FGF12: variants seen among roughly 807,000 people sequenced by gnomAD.
FGF12 encodes the protein fibroblast growth factor 12.
FGF12 carries 14 observed loss-of-function variants against 23.6 expected under a neutral mutation model. The observed-to-expected ratio is 0.59, with a 90% CI of 0.39 to 0.93. FGF12 has a LOEUF of 0.93. Among genes scored for constraint, FGF12 ranks in the 40% least tolerant of loss-of-function variants. FGF12 has a pLI of 0.00. For synonymous variants in FGF12, 62 were observed against 77.3 expected (o/e 0.80, Z 1.04); for missense variants, 175 against 217.8 (o/e 0.80, Z 1.24).
At chr3:192,525,206 G>A (rs1249031339) in intron 2 of FGF12, among the ~76,000 whole-genome samples, 1 of 152,034 alleles carries the variant, frequency 6.6e-6, no homozygotes, top group Non-Finnish European at 1.5e-5. Context: ...ATCTGTGTCT[G>A]CTGACAAGAT....
At chr3:192,423,830 C>T (rs991028269) in intron 2 of FGF12, among the ~76,000 whole-genome samples, 1 of 152,070 alleles carries the variant, frequency 6.6e-6, no homozygotes, top group African/African-American at 2.4e-5. Context: ...CAAAATGACA[C>T]AGTTTATAGA....
chr3:192,527,857 C>A (rs907577942), intron 2 of FGF12, among the ~76,000 whole-genome samples: 2 of 152,134 alleles, frequency 1.3e-5, no homozygotes, highest in South Asian at 2.1e-4. Flanking sequence ...CAAGAGAAGA[C>A]AGCTTATGCA....
At chr3:192,311,935 A>G (rs867335981) in intron 4 of FGF12, among the ~76,000 whole-genome samples, 54 of 137,104 alleles carry the variant, frequency 3.9e-4, no homozygotes, top group African/African-American at 1.3e-3. Context: ...CTGTCTATCT[A>G]TCTATCTATC....
At chr3:192,257,653 C>A (rs1712486889) in intron 4 of FGF12, among the ~76,000 whole-genome samples, 1 of 152,002 alleles carries the variant, frequency 6.6e-6, no homozygotes, top group Non-Finnish European at 1.5e-5. Context: ...GTTGAGTTAA[C>A]CAAATGTTCT....
At chr3:192,650,179 C>T (rs1716165701) in intron 2 of FGF12, among the ~76,000 whole-genome samples, 2 of 152,184 alleles carry the variant, frequency 1.3e-5, no homozygotes, top group African/African-American at 4.8e-5. Flanking sequence ...ATTACACATA[C>T]TCCAAACTCC....
At position 192,408,940 on chromosome 3, in the gene FGF12, G is replaced by T. The variant is rs372336730; in HGVS notation, c.14-48402C>A. On this transcript the variant is annotated intron_variant, in intron 2 of 5. Transcript: ENST00000445105. The surrounding 1 kb of genome is among the most constrained non-coding windows in gnomAD (Gnocchi z 7.3). ...CCAGGGGCCGGCCACCCGAGTTCTG[G>T]AATTCCGAGAGGCGCGAAGTGGGAG... 22 of 985,088 alleles carry T rather than the reference G, an allele frequency of 2.2e-5. No individual in the cohort carries two copies. The East Asian group carries it at 1.3e-3, about 56-fold the overall frequency. 61.0% of individuals were successfully genotyped at this position (985,088 alleles called of 1,614,324 possible). A position where few individuals can be genotyped will look rare whatever the true frequency, so the allele number is the denominator to read the frequency against.
chr3:192,575,917 T>C (rs540841667), intron 2 of FGF12, among the ~76,000 whole-genome samples: 25 of 152,254 alleles, frequency 1.6e-4, no homozygotes, highest in Non-Finnish European at 2.4e-4. Flanking sequence ...TATTCTATGA[T>C]AAATATGAAA....
chr3:192,408,092 G>C lies in FGF12; in HGVS notation c.14-47554C>G. 2 of 1,613,196 alleles carry C rather than the reference G, an allele frequency of 1.2e-6. No individual in the cohort carries two copies. The highest frequency in any genetic ancestry group is 1.7e-6 in the Non-Finnish European group (2 of 1,180,016). On this transcript the variant is annotated intron_variant, in intron 2 of 5. Coordinates refer to ENST00000445105, the MANE Select transcript of FGF12 (RefSeq NM_004113.6). This position sits in a 1 kb window ranked among gnomAD's most constrained non-coding sequence, Gnocchi z 7.3. ...GCACTTTGCTGAACACCCCGAGGAC[G>C]TGCCTCTCGCACAGGGAGCGCCCGT... is the stretch of plus-strand genomic sequence containing the variant.
chr3:192,163,257 T>C (rs1478996065), intron 5 of FGF12, among the ~76,000 whole-genome samples: 2 of 152,138 alleles, frequency 1.3e-5, no homozygotes, highest in Non-Finnish European at 2.9e-5. Context: ...GACACTTCTG[T>C]ATTCTTGGTT....
chr3:192,667,607 TA>T lies in FGF12; in HGVS notation c.13+59573del, dbSNP rs59867848. 3.8e-3 allele frequency among the ~76,000 whole-genome samples: 289 copies of T among 76,172 alleles called. 2 individuals are homozygous for T. The highest frequency in any genetic ancestry group is 8.6e-3 in the African/African-American group (172 of 20,028). 50.0% of individuals were successfully genotyped at this position (76,172 alleles called of 152,430 possible). ...GCCTGGGCGACAGAGCGAGACTCCG[TA>T]AAAAAAAAAAAAAAAAAAAAAAAAA... On this transcript the variant is annotated intron_variant, in intron 2 of 5. Transcript: ENST00000445105.
At chr3:192,532,834 T>C (rs1304790645) in intron 2 of FGF12, among the ~76,000 whole-genome samples, 1 of 152,174 alleles carries the variant, frequency 6.6e-6, no homozygotes, top group Non-Finnish European at 1.5e-5. Flanking sequence ...TTTTTTCTTC[T>C]ATGAGACAAT....
intron 2 of FGF12, among the ~76,000 whole-genome samples, chr3:192,444,886 G>A (rs945520023): frequency 1.3e-5 from 2 of 152,208 alleles, no homozygotes; most frequent in Non-Finnish European, 2.9e-5. Flanking sequence ...ATATCTGTAC[G>A]GTGAATCCGT....
chr3:192,301,169 G>A (rs1715331020), intron 4 of FGF12, among the ~76,000 whole-genome samples: 1 of 151,956 alleles, frequency 6.6e-6, no homozygotes, highest in Admixed American at 6.6e-5. Context: ...GAAAAAAAAA[G>A]GGCAATAGAA....
intron 4 of FGF12, among the ~76,000 whole-genome samples, chr3:192,271,244 G>C (rs1412906489): frequency 2.6e-5 from 4 of 152,100 alleles, no homozygotes; most frequent in African/African-American, 9.7e-5. Context: ...ACATCTGCTG[G>C]CTTTGTATGA....
intron 4 of FGF12, among the ~76,000 whole-genome samples, chr3:192,190,529 G>A (rs565705618): frequency 4.5e-4 from 59 of 129,898 alleles, no homozygotes; most frequent in Middle Eastern, 4.4e-3. Flanking sequence ...AGGCTGGAGT[G>A]CAGTGGCGGG....
chr3:192,202,572 GTTTC>G lies in FGF12; in HGVS notation c.229-31920_229-31917del, dbSNP rs1560190544. Among the ~76,000 whole-genome samples the G allele has an allele frequency of 2.6e-5, 4 of 152,252 alleles. No individual in the cohort carries two copies. The South Asian group carries it at 6.2e-4, about 24-fold the overall frequency. ...GCTTTTATTTTTGTTTTTGACAACG[GTTTC>G]TTTAATTGTAAGGGAAAATCAAGAA... On this transcript the variant is annotated intron_variant, in intron 4 of 5. Transcript: ENST00000445105.
intron 2 of FGF12, among the ~76,000 whole-genome samples, chr3:192,584,544 A>C (rs1713294739): frequency 6.6e-6 from 1 of 152,084 alleles, no homozygotes; most frequent in Non-Finnish European, 1.5e-5. Context: ...AGATACTTTC[A>C]GACGATTTCA....
chr3:192,504,336 TAAAAG>T (rs748773402), intron 2 of FGF12, among the ~76,000 whole-genome samples: 5 of 152,048 alleles, frequency 3.3e-5, no homozygotes, highest in Non-Finnish European at 5.9e-5. Context: ...CCCCTGAACC[TAAAAG>T]AAAAGTGAAA....
At chr3:192,626,846 A>G (rs1315348930) in intron 2 of FGF12, among the ~76,000 whole-genome samples, 1 of 152,154 alleles carries the variant, frequency 6.6e-6, no homozygotes, top group African/African-American at 2.4e-5. Flanking sequence ...GGCCTCAAGC[A>G]ATCCTCTCAC....
Sources: gnomAD v4.1 joint callset for allele counts (sites outside exome capture counted in the v4.1 genomes callset) on GRCh38, gnomAD v4.1.1 for gene constraint, Gnocchi (gnomAD v3.1) non-coding constraint, MANE v1.5 for transcripts, NCBI Gene and HGNC (gene_info 2026-07-23, HGNC 2026-07-21) for gene names.